GPR173: variants seen among roughly 807,000 people sequenced by gnomAD.
The protein encoded by GPR173 is G protein-coupled receptor 173, also known as probable G protein-coupled receptor 173.
Under a neutral mutation model 13.9 loss-of-function variants are expected in GPR173, and 2 were observed. That is an observed-to-expected ratio of 0.14 (90% CI 0.06 to 0.45). The LOEUF (loss-of-function observed/expected upper bound fraction) is 0.45, where lower values mean the gene tolerates loss of function less well. GPR173 is among the 20% of genes least tolerant of loss of function. GPR173 has a pLI of 0.98. For synonymous variants in GPR173, 131 were observed against 141.0 expected (o/e 0.93, Z 0.50); for missense variants, 202 against 340.5 (o/e 0.59, Z 3.20).
intron 1 of GPR173, among the ~76,000 whole-genome samples, chrX:53,057,057 T>G (rs1652285980): frequency 8.9e-6 from 1 of 111,965 alleles, no homozygotes; most frequent in Non-Finnish European, 1.9e-5. Context: ...AGCCCCATTG[T>G]CTTATCTGTA....
chrX:53,064,583 G>A (rs978540155), intron 1 of GPR173, among the ~76,000 whole-genome samples: 6 of 109,778 alleles, frequency 5.5e-5, no homozygotes, highest in African/African-American at 1.7e-4. Context: ...AAAAAAAAAA[G>A]GAACAGAGAT....
intron 1 of GPR173, among the ~76,000 whole-genome samples, chrX:53,067,629 T>G (rs1432273713): frequency 1.8e-5 from 2 of 110,856 alleles, no homozygotes; most frequent in Admixed American, 1.9e-4. Flanking sequence ...ATCAAGACCA[T>G]CCTGGCTAAC....
intron 1 of GPR173, among the ~76,000 whole-genome samples, chrX:53,073,832 G>C (rs868918592): frequency 2.0e-5 from 1 of 49,143 alleles, no homozygotes; most frequent in Non-Finnish European, 3.7e-5. Context: ...AAAAAAGTTT[G>C]TATATATAAT....
At chrX:53,051,307 C>T (rs1325345869) in intron 1 of GPR173, among the ~76,000 whole-genome samples, 2 of 109,993 alleles carry the variant, frequency 1.8e-5, no homozygotes, top group African/African-American at 3.3e-5. Flanking sequence ...GCCCAGAAGA[C>T]CATCTCTGTG....
At chrX:53,064,235 G>A (rs1205079770) in intron 1 of GPR173, among the ~76,000 whole-genome samples, 8 of 111,545 alleles carry the variant, frequency 7.2e-5, no homozygotes, top group East Asian at 2.8e-4. Flanking sequence ...TCCATTTCGC[G>A]CTACTATAAC....
At chrX:53,067,553 C>T (rs931648458) in intron 1 of GPR173, among the ~76,000 whole-genome samples, 11 of 112,171 alleles carry the variant, frequency 9.8e-5, no homozygotes, top group African/African-American at 2.3e-4. Flanking sequence ...TGGCGGGGCG[C>T]GGTGGCTCAC....
intron 1 of GPR173, among the ~76,000 whole-genome samples, chrX:53,054,501 C>CT (rs1932005583): frequency 9.8e-6 from 1 of 101,785 alleles, no homozygotes; most frequent in African/African-American, 3.6e-5. Flanking sequence ...GAGACTCCAT[C>CT]TAAAAAAAAA....
intron 1 of GPR173, among the ~76,000 whole-genome samples, chrX:53,074,486 T>A (rs868980847): frequency 1.2e-3 from 1 of 846 alleles, no homozygotes; most frequent in Non-Finnish European, 3.1e-3. Flanking sequence ...ATATATTTAT[T>A]TATAAATAAC....
intron 1 of GPR173, 114 bp from the exon 2 acceptor site, chrX:53,076,411 G>A (rs1556805798): frequency 1.1e-5 from 4 of 356,154 alleles, no homozygotes; most frequent in South Asian, 1.6e-4. Flanking sequence ...GTCTCTGCAC[G>A]CCTGTTGTGT....
intron 1 of GPR173, among the ~76,000 whole-genome samples, chrX:53,074,756 AAT>A (rs1191426191): frequency 2.1e-5 from 2 of 93,948 alleles, no homozygotes; most frequent in African/African-American, 7.8e-5. Flanking sequence ...ATTATATATA[AAT>A]ATATATAATT....
intron 1 of GPR173, among the ~76,000 whole-genome samples, chrX:53,056,583 T>G (rs1932043543): frequency 9.1e-6 from 1 of 110,088 alleles, no homozygotes; most frequent in Admixed American, 9.7e-5. Context: ...GTGGCCAGCA[T>G]GTGAGTATGA....
chrX:53,065,055 T>G (rs1932169543), intron 1 of GPR173: 1 of 112,325 alleles, frequency 8.9e-6, no homozygotes, highest in Admixed American at 9.5e-5. Context: ...TATGGTCATT[T>G]TAATCTTGAC....
At chrX:53,051,098 C>T (rs1264224832) in intron 1 of GPR173, among the ~76,000 whole-genome samples, 6 of 111,894 alleles carry the variant, frequency 5.4e-5, no homozygotes, top group African/African-American at 1.6e-4. Flanking sequence ...CCTGAGATCA[C>T]GGGGCTTCGG....
At position 53,052,632 on chromosome X, in the gene GPR173, T is replaced by TGTGTGTGA. The variant is rs1569220347; in HGVS notation, c.-98+3149_-98+3150insTGTGTGAG. ...GTGTGTGTGTGTGTGTGTGTGTGTG[T>TGTGTGTGA]GAATATGCCTGTGTGTATGCCTGTA... On this transcript the variant is annotated intron_variant, in intron 1 of 1. Transcript: ENST00000332582. Among the ~76,000 whole-genome samples, 10 of 106,874 alleles carry TGTGTGTGA rather than the reference T, an allele frequency of 9.4e-5. 1 individual carries two copies. Among genetic ancestry groups the TGTGTGTGA allele is most frequent in the African/African-American group, 3.5e-4 (10 of 28,762 alleles). 92.8% of individuals were successfully genotyped at this position (106,874 alleles called of 115,157 possible).
chrX:53,061,484 T>C (rs2146676344), intron 1 of GPR173, among the ~76,000 whole-genome samples: 1 of 111,323 alleles, frequency 9.0e-6, no homozygotes, highest in South Asian at 3.8e-4. Flanking sequence ...AGTGTTTCTA[T>C]GTAATGTGAC....
chrX:53,080,190 GGCCA>G lies in GPR173; in HGVS notation c.*2448_*2451del, dbSNP rs1174250567. 4.9e-5 allele frequency: 6 copies of G among 121,820 alleles called. No individual in the cohort carries two copies. Among genetic ancestry groups the G allele is most frequent in the Middle Eastern group, 4.6e-3 (1 of 218 alleles). The allele number at this position is 121,820 out of a possible 1,213,427, so 10.0% of individuals were successfully genotyped here. A position where few individuals can be genotyped will look rare whatever the true frequency, so the allele number is the denominator to read the frequency against. ...GTCTGGGATGGGAGCCCTTCCTAGGGGCCACTGTATGCAGCTGGGACTTTGGTCA... is the reference window on the plus strand; with the variant it reads ...GTCTGGGATGGGAGCCCTTCCTAGGGCTGTATGCAGCTGGGACTTTGGTCA... On this transcript the variant is annotated 3_prime_UTR_variant, in exon 2 of 2. Transcript: ENST00000332582.
In GPR173 at chrX:53,064,750, A is replaced by G. The variant is rs944644273; in HGVS notation, c.-97-11775A>G. Among the ~76,000 whole-genome samples the G allele has an allele frequency of 4.5e-5, 5 of 111,301 alleles. No individual in the cohort carries two copies. The East Asian group carries it at 1.1e-3, about 25-fold the overall frequency. On this transcript the variant is annotated intron_variant, in intron 1 of 1. Transcript: ENST00000332582. The stretch of plus-strand genomic sequence containing the variant: ...GAGAGAAGGGAAGTGGGTAGAACTC[A>G]TCCTTTTATCAGGAACCCGTTTCTG...
At position 53,077,570 on chromosome X, in the gene GPR173, G is replaced by A; in HGVS notation, c.949G>A (p.Val317Met). 8.3e-7 allele frequency: 1 copy of A among 1,211,420 alleles called. No homozygotes were observed. Among genetic ancestry groups the A allele is most frequent in the Non-Finnish European group, 1.1e-6 (1 of 895,107 alleles). The change falls in exon 2 of 2, where the codon GTG becomes ATG. Residue 317 changes from valine (V) to methionine (M), a missense_variant. By Grantham distance (21) the Val-to-Met change is conservative. This residue lies in a region of GPR173 where 76 missense variants were observed against 116.3 expected (regional missense o/e 0.65). Coordinates refer to ENST00000332582, the MANE Select transcript of GPR173 (RefSeq NM_018969.6). ...GCGAGTGTTTGTGAAAGCCTGTGCT[G>A]TGCCCCACCGCTACCTGGCCACTGC... ...YWRVFVKACAVPHRYLATAVW... is the reference protein window; with the variant it reads ...YWRVFVKACAMPHRYLATAVW...
intron 1 of GPR173, among the ~76,000 whole-genome samples, chrX:53,056,187 T>C (rs1012627186): frequency 9.1e-6 from 1 of 109,713 alleles, no homozygotes; most frequent in East Asian, 2.9e-4. Flanking sequence ...ATTGGGAGTT[T>C]GCATAAGTGT....
Sources: gnomAD v4.1 joint callset for allele counts (sites outside exome capture counted in the v4.1 genomes callset) on GRCh38, gnomAD v4.1.1 for gene constraint, gnomAD v4.1.1 regional missense constraint, MANE v1.5 for transcripts, NCBI Gene and HGNC (gene_info 2026-07-23, HGNC 2026-07-21) for gene names.